The following CD48 variants were observed in gnomAD, a reference collection of about 807,000 sequenced individuals.
CD48 encodes CD48 antigen.
A neutral mutation model predicts 22.0 loss-of-function variants in CD48; 20 were observed. The ratio of observed to expected loss-of-function variants is 0.91; its 90% CI spans 0.64 to 1.32. The LOEUF (loss-of-function observed/expected upper bound fraction) is 1.32. Ranked by LOEUF, CD48 falls within the 40% of genes most tolerant of loss-of-function variation. The pLI is 0.00. For synonymous variants in CD48, 110 were observed against 110.1 expected, an observed-to-expected ratio of 1.00 and a Z score of 0.01; for missense variants, 307 against 286.5, an observed-to-expected ratio of 1.07 and a Z score of -0.52.
At chr1:160,684,746 A>G in intron 2 of CD48, 141 bp downstream of exon 2, 1 of 1,597,896 alleles carries the variant, frequency 6.3e-7, no homozygotes, top group Non-Finnish European at 8.5e-7. Context: ...ATAGAATTGG[A>G]TCAAGGAAAA....
rs1259264092 is a variant in CD48, at chr1:160,679,016, G to A, written c.*36C>T. ...TGATCACCAACAGGCAAGATCTTCTGGCCTTGAAGTTTCGCTTGAGTTAAA... is the reference window on the plus strand; with the variant it reads ...TGATCACCAACAGGCAAGATCTTCTAGCCTTGAAGTTTCGCTTGAGTTAAA... On this transcript the variant is annotated 3_prime_UTR_variant, in exon 4 of 4. Transcript: ENST00000368046. 1.3e-6 allele frequency: 2 copies of A among 1,493,316 alleles called. No individual in the cohort carries two copies. The highest frequency in any genetic ancestry group is 2.8e-5 in the African/African-American group (2 of 72,622). 92.5% of individuals were successfully genotyped at this position (1,493,316 alleles called of 1,614,324 possible).
chr1:160,681,489 A>G (rs759041370), intron 2 of CD48, 21 bp from the exon 3 acceptor site: 21 of 1,610,150 alleles, frequency 1.3e-5, no homozygotes, highest in East Asian at 2.2e-5. Context: ...GGAGGATGTT[A>G]TAAGATGAGA....
chr1:160,685,118 T>C lies in CD48; in HGVS notation c.154A>G (p.Asn52Asp). ...TLNISESLPE[N>D]YKQLTWFYTF... ...TAAAACCAGGTTAGTTGTTTGTAGT[T>C]CTCAGGCAGGCTCTCAGAGATGTTC... The change falls in exon 2 of 4, where the codon AAC (asparagine) becomes GAC (aspartate). Residue 52 changes from asparagine (N) to aspartate (D), a missense_variant. By Grantham distance (23) the Asn-to-Asp change is conservative. Transcript: ENST00000368046. The C allele has an allele frequency of 6.2e-7, 1 of 1,614,020 alleles. No individual in the cohort carries two copies. Among genetic ancestry groups the C allele is most frequent in the Non-Finnish European group, 8.5e-7 (1 of 1,179,884 alleles).
intron 1 of CD48, among the ~76,000 whole-genome samples, chr1:160,701,703 G>T (rs1662635200): frequency 6.6e-6 from 1 of 152,076 alleles, no homozygotes; most frequent in Non-Finnish European, 1.5e-5. Flanking sequence ...CATGATATAG[G>T]GCTGAATTGT....
At chr1:160,689,325 C>T (rs1662109585) in intron 1 of CD48, among the ~76,000 whole-genome samples, 1 of 151,114 alleles carries the variant, frequency 6.6e-6, no homozygotes, top group South Asian at 2.1e-4. Flanking sequence ...TAGATTTCTG[C>T]AGGAGCATCT....
At chr1:160,705,856 G>A (rs1662773985) in intron 1 of CD48, among the ~76,000 whole-genome samples, 1 of 152,158 alleles carries the variant, frequency 6.6e-6, no homozygotes, top group Non-Finnish European at 1.5e-5. Context: ...CCCACTAGGT[G>A]CCAGTAACAC....
chr1:160,707,403 A>T (rs148542669), intron 1 of CD48, among the ~76,000 whole-genome samples: 1 of 152,268 alleles, frequency 6.6e-6, no homozygotes, highest in African/African-American at 2.4e-5. Context: ...GAGGGAAGAC[A>T]TGAAGAGAAG....
At chr1:160,691,512 C>A (rs1360253974) in intron 1 of CD48, among the ~76,000 whole-genome samples, 1 of 152,136 alleles carries the variant, frequency 6.6e-6, no homozygotes, top group Non-Finnish European at 1.5e-5. Context: ...GTCTGCTCAC[C>A]CTCTCCCCAC....
rs546302474 is a variant in CD48, at chr1:160,679,792, C to T, written c.653-661G>A. On this transcript the variant is annotated intron_variant, in intron 3 of 3. Coordinates refer to ENST00000368046, the MANE Select transcript of CD48 (RefSeq NM_001778.4). ...TTTATTATTGCTTTTATCCTCTCTT[C>T]GGATGAACAGTCACACCCATTTTAT... is the stretch of plus-strand genomic sequence containing the variant. Among the ~76,000 whole-genome samples the T allele has an allele frequency of 2.2e-3, 332 of 152,272 alleles. 1 individual carries two copies. The highest frequency in any genetic ancestry group is 3.7e-3 in the Non-Finnish European group (250 of 68,022).
At chr1:160,687,337 C>T (rs143426473) in intron 1 of CD48, among the ~76,000 whole-genome samples, 5,103 of 152,138 alleles carry the variant, frequency 0.034, 149 homozygotes, top group East Asian at 0.13. Flanking sequence ...GCAGTTAATG[C>T]AATTATCACA....
Position 160,681,468 on chromosome 1 carries a change from T to A in CD48, c.386A>T (p.Asp129Val), listed in dbSNP as rs1402744654. ...TTTGATGACAGGCTTGGGTACAGGG[T>A]CTGAAAGTGAGGAGGATGTTATAAG... is the stretch of plus-strand genomic sequence containing the variant. ...QEWKIKLQVL[D>V]PVPKPVIKIE... Residue 129 changes from aspartate to valine, a missense_variant and splice_region_variant, in exon 3 of 4, where the codon GAC (aspartate) becomes GTC (valine). Asp to Val is a radical substitution (Grantham distance 152, BLOSUM62 -3). Transcript: ENST00000368046. 1 of 1,613,196 alleles carries A rather than the reference T, an allele frequency of 6.2e-7. No homozygotes were observed. Among genetic ancestry groups the A allele is most frequent in the African/African-American group, 1.3e-5 (1 of 74,816 alleles).
intron 1 of CD48, among the ~76,000 whole-genome samples, chr1:160,703,112 A>G (rs888053814): frequency 3.3e-5 from 5 of 152,206 alleles, no homozygotes; most frequent in Non-Finnish European, 7.3e-5. Flanking sequence ...CAGAGAAACT[A>G]TCGGAGCCTG....
chr1:160,703,182 G>A (rs1662687473), intron 1 of CD48, among the ~76,000 whole-genome samples: 1 of 152,150 alleles, frequency 6.6e-6, no homozygotes, highest in African/African-American at 2.4e-5. Flanking sequence ...CTGCAAATGG[G>A]CCTCTTCTGA....
At chr1:160,704,570 TG>T (rs1662736634) in intron 1 of CD48, among the ~76,000 whole-genome samples, 2 of 152,206 alleles carry the variant, frequency 1.3e-5, no homozygotes, top group South Asian at 4.1e-4. Context: ...GAAAGCAGGT[TG>T]GAAGTGAACA....
intron 1 of CD48, among the ~76,000 whole-genome samples, chr1:160,704,917 G>T (rs1250979289): frequency 6.6e-6 from 1 of 152,138 alleles, no homozygotes; most frequent in Non-Finnish European, 1.5e-5. Flanking sequence ...AGGTCCATTG[G>T]TCCTTTTTGT....
chr1:160,694,498 C>T (rs1662339781), intron 1 of CD48, among the ~76,000 whole-genome samples: 1 of 151,786 alleles, frequency 6.6e-6, no homozygotes, highest in Non-Finnish European at 1.5e-5. Flanking sequence ...TTTTACATTG[C>T]TTAGGGCCAC....
chr1:160,683,297 G>A (rs367719325), intron 2 of CD48, among the ~76,000 whole-genome samples: 2 of 152,178 alleles, frequency 1.3e-5, no homozygotes, highest in East Asian at 3.9e-4. Flanking sequence ...TGAGCTGTCA[G>A]AAATGCTTGG....
intron 1 of CD48, among the ~76,000 whole-genome samples, chr1:160,700,308 C>A (rs1662587140): frequency 6.6e-6 from 1 of 152,132 alleles, no homozygotes; most frequent in Non-Finnish European, 1.5e-5. Flanking sequence ...GAATTTGCCA[C>A]AGTACAGAAT....
At chr1:160,691,183 C>T (rs894270123) in intron 1 of CD48, among the ~76,000 whole-genome samples, 2 of 152,092 alleles carry the variant, frequency 1.3e-5, no homozygotes, top group East Asian at 1.9e-4. Flanking sequence ...AAGACCTGAC[C>T]GTCCCCCAGC....
Sources: gnomAD v4.1 joint callset for allele counts (sites outside exome capture counted in the v4.1 genomes callset) on GRCh38, gnomAD v4.1.1 for gene constraint, MANE v1.5 for transcripts, NCBI Gene and HGNC (gene_info 2026-07-23, HGNC 2026-07-21) for gene names.